The following CRIM1 variants were observed in gnomAD, a reference collection of about 807,000 sequenced individuals.
CRIM1 encodes the protein cysteine rich transmembrane BMP regulator 1.
In CRIM1, 32 loss-of-function variants were observed where a neutral mutation model predicts 116.4. That is an observed-to-expected ratio of 0.27 (90% CI 0.21 to 0.37). The LOEUF (loss-of-function observed/expected upper bound fraction) is 0.37, where lower values mean the gene tolerates loss of function less well. Among genes scored for constraint, CRIM1 ranks in the 10% least tolerant of loss-of-function variants. The probability of loss-of-function intolerance (pLI) is 1.00; values close to 1 mark genes in which losing one functional copy is unlikely to be tolerated. For missense variants in CRIM1, 1,331 were observed against 1,354.8 expected, an observed-to-expected ratio of 0.98 and a Z score of 0.28; for synonymous variants, 590 against 509.2, an observed-to-expected ratio of 1.16 and a Z score of -2.13.
intron 4 of CRIM1, among the ~76,000 whole-genome samples, chr2:36,462,613 G>A (rs781591978): frequency 7.2e-5 from 11 of 152,210 alleles, no homozygotes; most frequent in Admixed American, 3.9e-4. Context: ...GAGCACGTGT[G>A]TAGGCAAGAA....
chr2:36,423,604 A>G (rs1188890148), intron 2 of CRIM1, among the ~76,000 whole-genome samples: 2 of 152,148 alleles, frequency 1.3e-5, no homozygotes, highest in Non-Finnish European at 1.5e-5. Context: ...TAAACTTGAT[A>G]TGTTTTTGCA....
At chr2:36,467,009 A>G (rs1678097441) in intron 5 of CRIM1, among the ~76,000 whole-genome samples, 1 of 152,098 alleles carries the variant, frequency 6.6e-6, no homozygotes, top group Admixed American at 6.5e-5. Flanking sequence ...ATGTGTCTCA[A>G]ACTACTAATA....
intron 2 of CRIM1, among the ~76,000 whole-genome samples, chr2:36,402,297 A>G (rs1672466770): frequency 1.3e-5 from 2 of 152,212 alleles, no homozygotes; most frequent in African/African-American, 4.8e-5. Flanking sequence ...GTCCAAACTG[A>G]AATCTCAAAG....
intron 8 of CRIM1, among the ~76,000 whole-genome samples, chr2:36,504,525 G>C (rs1342282453): frequency 6.6e-6 from 1 of 152,000 alleles, no homozygotes; most frequent in African/African-American, 2.4e-5. Flanking sequence ...CGTTTTAATC[G>C]GTAACAAATA....
chr2:36,459,453 G>A (rs1364264110), intron 4 of CRIM1, among the ~76,000 whole-genome samples: 1 of 152,084 alleles, frequency 6.6e-6, no homozygotes, highest in African/African-American at 2.4e-5. Context: ...TATTGGTTGG[G>A]TACCTTTATC....
Position 36,499,241 on chromosome 2 carries a change from T to C in CRIM1, c.1395T>C (p.Asp465=), listed in dbSNP as rs748342817. The stretch of plus-strand genomic sequence containing the variant: ...TAGAACCAACCATCATCACAGTTGA[T>C]CCACCTGCATGTGGGGAGTTATCAA... The part of the protein sequence containing the change: ...VCEEPTIITV[D]PPACGELSNC... Residue 465 remains aspartate (D), a synonymous_variant, in exon 8 of 17, where the codon GAT becomes GAC. Transcript: ENST00000280527. 3.1e-6 allele frequency: 5 copies of C among 1,611,834 alleles called. No homozygotes were observed. Among genetic ancestry groups the C allele is most frequent in the Non-Finnish European group, 3.4e-6 (4 of 1,177,912 alleles).
intron 1 of CRIM1, among the ~76,000 whole-genome samples, chr2:36,396,316 T>G (rs1162931670): frequency 3.3e-5 from 5 of 152,240 alleles, no homozygotes; most frequent in Non-Finnish European, 7.3e-5. Context: ...TTAAACATTT[T>G]TAAAGGCATC....
chr2:36,464,743 A>C, intron 5 of CRIM1, 88 bp downstream of exon 5: 1 of 1,512,364 alleles, frequency 6.6e-7, no homozygotes, highest in Non-Finnish European at 9.1e-7. Flanking sequence ...TCTGCCTTTT[A>C]CAAAGCAGGG....
Position 36,464,599 on chromosome 2 carries a change from T to A in CRIM1, c.935T>A (p.Val312Asp). ...GAGGTGGGATCCACTCCCCGCATAG[T>A]CTCTCGTGGCGATGGGACACCTGGA... The part of the protein sequence containing the change: ...VCEVGSTPRI[V>D]SRGDGTPGKC... The change falls in exon 5 of 17, where the codon GTC (valine) becomes GAC (aspartate). Residue 312 changes from valine (V) to aspartate (D), a missense_variant. Transcript: ENST00000280527. 1 of 1,614,176 alleles carries A rather than the reference T, an allele frequency of 6.2e-7. No homozygotes were observed. Among genetic ancestry groups the A allele is most frequent in the Non-Finnish European group, 8.5e-7 (1 of 1,180,022 alleles).
chr2:36,414,159 G>A (rs1673429779), intron 2 of CRIM1, among the ~76,000 whole-genome samples: 1 of 152,128 alleles, frequency 6.6e-6, no homozygotes. Flanking sequence ...TGGCATCTCT[G>A]CTCTCATCTT....
At chr2:36,419,956 C>G (rs1673923479) in intron 2 of CRIM1, among the ~76,000 whole-genome samples, 1 of 152,082 alleles carries the variant, frequency 6.6e-6, no homozygotes. Context: ...TTTCTTTGTT[C>G]TGTTGATCTT....
At chr2:36,477,188 T>C in intron 6 of CRIM1, 117 bp downstream of exon 6, 1 of 834,014 alleles carries the variant, frequency 1.2e-6, no homozygotes, top group South Asian at 2.0e-5. Flanking sequence ...GTTCCTTTTT[T>C]AGCCTTTTTT....
intron 7 of CRIM1, among the ~76,000 whole-genome samples, chr2:36,494,995 C>G (rs556042974): frequency 1.6e-4 from 24 of 152,102 alleles, no homozygotes; most frequent in Admixed American, 1.3e-3. Flanking sequence ...ATGAGGAAAT[C>G]TAAGAACATT....
At chr2:36,391,118 A>ATTTTTTTTTT (rs57108558) in intron 1 of CRIM1, among the ~76,000 whole-genome samples, 1 of 67,240 alleles carries the variant, frequency 1.5e-5, no homozygotes, top group African/African-American at 7.0e-5. Flanking sequence ...CCAACTTTTG[A>ATTTTTTTTTT]TTTTTTTTTT....
intron 1 of CRIM1, among the ~76,000 whole-genome samples, chr2:36,376,823 TAATG>T (rs1417714978): frequency 1.3e-5 from 2 of 152,192 alleles, no homozygotes; most frequent in African/African-American, 2.4e-5. Flanking sequence ...TTTTTAAAAA[TAATG>T]AACACCAAGC....
intron 7 of CRIM1, among the ~76,000 whole-genome samples, chr2:36,495,109 C>G (rs977747043): frequency 6.6e-5 from 10 of 152,268 alleles, no homozygotes; most frequent in South Asian, 2.1e-4. Flanking sequence ...AGGGATGCAT[C>G]AGTGCCGCCA....
chr2:36,534,533 GAGGAAGGAAGGGAGAGAGGGAGGGAC>G (rs1666380074), intron 13 of CRIM1, among the ~76,000 whole-genome samples: 4 of 132,708 alleles, frequency 3.0e-5, no homozygotes, highest in Non-Finnish European at 3.2e-5. Context: ...AAGGGAGGGA[GAGGAAGGAAGGGAGAGAGGGAGGGAC>G]AGGAAGGAAG....
chr2:36,426,853 C>G (rs574800950), intron 2 of CRIM1, among the ~76,000 whole-genome samples: 1 of 152,076 alleles, frequency 6.6e-6, no homozygotes, highest in East Asian at 1.9e-4. Flanking sequence ...TGACATAAAC[C>G]CCAAATTTTA....
chr2:36,535,079 A>AGGAAG (rs772695195), intron 13 of CRIM1, among the ~76,000 whole-genome samples: 55 of 138,534 alleles, frequency 4.0e-4, no homozygotes, highest in Non-Finnish European at 4.8e-4. Context: ...GTATGGAGAG[A>AGGAAG]GGAAGGAAAG....
Sources: gnomAD v4.1 joint callset for allele counts (sites outside exome capture counted in the v4.1 genomes callset) on GRCh38, gnomAD v4.1.1 for gene constraint, MANE v1.5 for transcripts, NCBI Gene and HGNC (gene_info 2026-07-23, HGNC 2026-07-21) for gene names.